C20orf203: variants seen among roughly 807,000 people sequenced by gnomAD.
C20orf203 encodes the protein chromosome 20 open reading frame 203, also known as uncharacterized protein C20orf203.
In C20orf203, 16 loss-of-function variants were observed where a neutral mutation model predicts 15.9. That is an observed-to-expected ratio of 1.01 (90% CI 0.68 to 1.53). C20orf203 has a LOEUF of 1.53. Ranked by LOEUF, C20orf203 falls within the 40% of genes most tolerant of loss-of-function variation. C20orf203 has a pLI of 0.00. For missense variants in C20orf203, 263 were observed against 247.5 expected, an observed-to-expected ratio of 1.06 and a Z score of -0.42; for synonymous variants, 98 against 97.2, an observed-to-expected ratio of 1.01 and a Z score of -0.05.
chr20:32,667,484 C>G (rs1983063893), intron 1 of C20orf203, among the ~76,000 whole-genome samples: 1 of 152,170 alleles, frequency 6.6e-6, no homozygotes, highest in Non-Finnish European at 1.5e-5. Context: ...CTTTTCCTCT[C>G]CCTCTCTTTG....
chr20:32,647,175 A>C (rs1409614290), intron 4 of C20orf203, among the ~76,000 whole-genome samples: 1 of 152,146 alleles, frequency 6.6e-6, no homozygotes, highest in Non-Finnish European at 1.5e-5. Context: ...TGGATGGATC[A>C]CCTGAGGTCA....
chr20:32,650,552 C>A lies in C20orf203; in HGVS notation c.465G>T (p.Leu155=). 6.5e-7 allele frequency: 1 copy of A among 1,549,480 alleles called. No individual in the cohort carries two copies. The highest frequency in any genetic ancestry group is 8.7e-7 in the Non-Finnish European group (1 of 1,145,956). Residue 155 remains leucine, a synonymous_variant, in exon 4 of 6, where the codon CTG becomes CTT. Transcript: ENST00000608990. ...CCTGGAAACATGTTGAGGTCCAGGC[C>A]AGCGAGGACAGAGCTTGGCCAAAGT... is the stretch of plus-strand genomic sequence containing the variant. ...VGDFGQALSS[L]AWTSTCFQDF... is the part of the protein sequence containing the mutation.
chr20:32,639,247 T>C (rs1228627073), intron 5 of C20orf203, among the ~76,000 whole-genome samples: 1 of 152,222 alleles, frequency 6.6e-6, no homozygotes, highest in East Asian at 1.9e-4. Flanking sequence ...CTTTGAGATA[T>C]GGGAACAGTG....
chr20:32,664,918 G>A (rs976588497), intron 1 of C20orf203, among the ~76,000 whole-genome samples: 1 of 152,212 alleles, frequency 6.6e-6, no homozygotes, highest in Admixed American at 6.5e-5. Context: ...CTGAGTGATC[G>A]GCCAAGGTCA....
chr20:32,661,849 C>A (rs189956600), intron 1 of C20orf203, among the ~76,000 whole-genome samples: 121 of 152,302 alleles, frequency 7.9e-4, no homozygotes, highest in African/African-American at 2.9e-3. Context: ...CAAAGCCCCC[C>A]ACTCCACACC....
At chr20:32,664,085 G>A (rs551548604) in intron 1 of C20orf203, among the ~76,000 whole-genome samples, 6 of 152,278 alleles carry the variant, frequency 3.9e-5, no homozygotes, top group Non-Finnish European at 2.9e-5. Flanking sequence ...CTGTGGCCCC[G>A]CAGGCTCTCA....
chr20:32,637,236 A>G lies in C20orf203; in HGVS notation c.*1300-2966T>C, dbSNP rs565671180. Among the ~76,000 whole-genome samples the G allele has an allele frequency of 2.0e-5, 3 of 152,300 alleles. No individual in the cohort carries two copies. The East Asian group carries it at 5.8e-4, about 29-fold the overall frequency. Reference sequence around the variant, plus strand: ...GAGACCAGCCTGACCAACATGGTGAAACCCCATCTCTACTAAAAATACAAA... The same window carrying G: ...GAGACCAGCCTGACCAACATGGTGAGACCCCATCTCTACTAAAAATACAAA... On this transcript the variant is annotated intron_variant, in intron 5 of 5. Transcript: ENST00000608990.
chr20:32,668,504 CAG>C (rs1285158151), intron 1 of C20orf203, among the ~76,000 whole-genome samples: 4 of 151,848 alleles, frequency 2.6e-5, no homozygotes, highest in Middle Eastern at 3.4e-3. Flanking sequence ...CGGGTGCCTG[CAG>C]TCCCAGCTAC....
intron 1 of C20orf203, among the ~76,000 whole-genome samples, chr20:32,669,253 C>T (rs115263137): frequency 0.02 from 3,014 of 152,264 alleles, 93 homozygotes; most frequent in African/African-American, 0.067. Flanking sequence ...ACTCTAGGCC[C>T]AGACCCTGAC....
At position 32,666,797 on chromosome 20, in the gene C20orf203, T is replaced by TTTTATACATATATATATATATATATA. The variant is rs367964394; in HGVS notation, c.-264+6834_-264+6835insTATATATATATATATATATGTATAAA. Among the ~76,000 whole-genome samples the TTTTATACATATATATATATATATATA allele has an allele frequency of 1.5e-3, 99 of 65,614 alleles. 2 individuals are homozygous for TTTTATACATATATATATATATATATA. Among genetic ancestry groups the TTTTATACATATATATATATATATATA allele is most frequent in the Non-Finnish European group, 2.9e-3 (80 of 27,982 alleles). The allele number at this position is 65,614 out of a possible 152,430, so 43.0% of individuals were successfully genotyped here. On this transcript the variant is annotated intron_variant, in intron 1 of 5. Transcript: ENST00000608990. ...AAAAAAAGATGAAATTAATTTTAAT[T>TTTTATACATATATATATATATATATA]TATATATATATATATATATATATAT...
At chr20:32,638,215 T>C (rs1423596215) in intron 5 of C20orf203, among the ~76,000 whole-genome samples, 3 of 152,212 alleles carry the variant, frequency 2.0e-5, no homozygotes, top group Non-Finnish European at 4.4e-5. Flanking sequence ...GTAATAACCA[T>C]GGCCAACATA....
rs1982543605 is a variant in C20orf203, at chr20:32,649,539, TC to T, written c.*892del. The T allele has an allele frequency of 6.6e-6, 1 of 152,642 alleles. No individual in the cohort carries two copies. The allele number at this position is 152,642 out of a possible 1,614,324, so 9.5% of individuals were successfully genotyped here. ...CCAGAGTGGGTGGGTTCTAGCACAC[TC>T]CTCCTGCCCCTGTCACAACACGCTG... On this transcript the variant is annotated 3_prime_UTR_variant, in exon 4 of 6. Transcript: ENST00000608990.
intron 1 of C20orf203, among the ~76,000 whole-genome samples, chr20:32,652,701 G>A (rs771025263): frequency 5.3e-5 from 8 of 152,092 alleles, no homozygotes; most frequent in South Asian, 4.1e-4. Flanking sequence ...AAAACAGTGA[G>A]GGCCCCCTTC....
intron 5 of C20orf203, among the ~76,000 whole-genome samples, chr20:32,636,145 G>A (rs1176784641): frequency 6.6e-6 from 1 of 152,196 alleles, no homozygotes. Flanking sequence ...TGGATGGTGA[G>A]CTGCTGGGGG....
At chr20:32,651,278 G>T in intron 2 of C20orf203, 112 bp from the exon 3 acceptor site, 1 of 417,170 alleles carries the variant, frequency 2.4e-6, no homozygotes. Flanking sequence ...CAGCCCAGAA[G>T]GTTGAGGCCG....
intron 1 of C20orf203, among the ~76,000 whole-genome samples, chr20:32,662,405 C>A (rs1982912671): frequency 6.6e-6 from 1 of 152,080 alleles, no homozygotes; most frequent in East Asian, 1.9e-4. Flanking sequence ...AGTTCAAGAC[C>A]AGCTTGGCCA....
chr20:32,637,009 G>T (rs1982155239), intron 5 of C20orf203, among the ~76,000 whole-genome samples: 1 of 152,238 alleles, frequency 6.6e-6, no homozygotes, highest in African/African-American at 2.4e-5. Flanking sequence ...CCAGGGGCAG[G>T]GGCTGGGCTG....
At chr20:32,641,138 G>A (rs1303500764) in intron 4 of C20orf203, among the ~76,000 whole-genome samples, 7 of 152,028 alleles carry the variant, frequency 4.6e-5, no homozygotes, top group Non-Finnish European at 1.0e-4. Context: ...GGGACACATA[G>A]TGAGACCCTG....
In C20orf203 at chr20:32,653,713, G is replaced by A. The variant is rs116395952; in HGVS notation, c.-263-1732C>T. Among the ~76,000 whole-genome samples, 293 of 152,288 alleles carry A rather than the reference G, an allele frequency of 1.9e-3. 1 individual carries two copies. Among genetic ancestry groups the A allele is most frequent in the Middle Eastern group, 6.8e-3 (2 of 294 alleles). On this transcript the variant is annotated intron_variant, in intron 1 of 5. Coordinates refer to ENST00000608990, the MANE Select transcript of C20orf203 (RefSeq NM_182584.4). ...CACGACTTGTATTCAACACTGTACT[G>A]GGTACAATGGCAAGAAAATAAAGTC...
Sources: gnomAD v4.1 joint callset for allele counts (sites outside exome capture counted in the v4.1 genomes callset) on GRCh38, gnomAD v4.1.1 for gene constraint, MANE v1.5 for transcripts, NCBI Gene and HGNC (gene_info 2026-07-23, HGNC 2026-07-21) for gene names.